The following SLC39A10 variants were observed in gnomAD, a reference collection of about 807,000 sequenced individuals.
SLC39A10 encodes solute carrier family 39 member 10.
SLC39A10 carries 13 observed loss-of-function variants against 65.1 expected under a neutral mutation model. The ratio of observed to expected loss-of-function variants is 0.20; its 90% CI spans 0.13 to 0.32. The LOEUF (loss-of-function observed/expected upper bound fraction) is 0.32, where lower values mean the gene tolerates loss of function less well. Ranked by LOEUF, SLC39A10 falls within the 10% of genes least tolerant of loss-of-function variation. The pLI, the probability that SLC39A10 is intolerant of heterozygous loss-of-function variation, is 1.00. For missense variants in SLC39A10, 831 were observed against 1,018.4 expected (o/e 0.82, Z 2.50); for synonymous variants, 321 against 342.2 (o/e 0.94, Z 0.68).
intron 2 of SLC39A10, among the ~76,000 whole-genome samples, chr2:195,644,259 G>A (rs917583833): frequency 2.0e-5 from 3 of 151,690 alleles, no homozygotes; most frequent in African/African-American, 7.3e-5. Flanking sequence ...CACTTTGGGA[G>A]GCCGAAGTGG....
chr2:195,662,588 A>C (rs553852883), intron 1 of SLC39A10, among the ~76,000 whole-genome samples: 185 of 152,220 alleles, frequency 1.2e-3, no homozygotes, highest in Non-Finnish European at 2.2e-3. Context: ...CTATTACTTT[A>C]ATATCTATAA....
At chr2:195,633,390 T>G (rs557679869) in intron 2 of SLC39A10, among the ~76,000 whole-genome samples, 2 of 152,208 alleles carry the variant, frequency 1.3e-5, no homozygotes, top group Non-Finnish European at 2.9e-5. Flanking sequence ...AGGCAGCGTC[T>G]AAGAGGGAAT....
At chr2:195,631,524 C>T (rs564133545) in intron 2 of SLC39A10, among the ~76,000 whole-genome samples, 1 of 152,074 alleles carries the variant, frequency 6.6e-6, no homozygotes, top group Non-Finnish European at 1.5e-5. Flanking sequence ...CAAAAAATAT[C>T]CTTAAAAGCA....
At chr2:195,673,846 CT>C (rs1689973734) in intron 1 of SLC39A10, among the ~76,000 whole-genome samples, 1 of 152,350 alleles carries the variant, frequency 6.6e-6, no homozygotes, top group Admixed American at 6.5e-5. Flanking sequence ...ATCCCATTAT[CT>C]TGCTTTAACA....
chr2:195,632,639 T>G (rs949868212), intron 2 of SLC39A10, among the ~76,000 whole-genome samples: 2 of 152,164 alleles, frequency 1.3e-5, no homozygotes, highest in African/African-American at 4.8e-5. Flanking sequence ...TAGTACTTGA[T>G]CTACTGATGT....
At chr2:195,727,259 T>A (rs1692275830) in intron 8 of SLC39A10, among the ~76,000 whole-genome samples, 1 of 152,170 alleles carries the variant, frequency 6.6e-6, no homozygotes, top group South Asian at 2.1e-4. Context: ...GTATTTTCCC[T>A]CCTGTGAGTT....
chr2:195,735,854 G>C lies in SLC39A10; in HGVS notation c.*813G>C, dbSNP rs1218656695. 7.1e-6 allele frequency: 1 copy of C among 140,980 alleles called. No homozygotes were observed. The highest frequency in any genetic ancestry group is 2.7e-5 in the African/African-American group (1 of 37,134). 8.7% of individuals were successfully genotyped at this position (140,980 alleles called of 1,614,324 possible). On this transcript the variant is annotated 3_prime_UTR_variant, in exon 10 of 10. Coordinates refer to ENST00000359634, the MANE Select transcript of SLC39A10 (RefSeq NM_020342.3). ...GGGTAGGTGAGGGTTTGGAGCATGTGGTCTTTTTAAAAAATTGTAACCCTC... is the reference window on the plus strand; with the variant it reads ...GGGTAGGTGAGGGTTTGGAGCATGTCGTCTTTTTAAAAAATTGTAACCCTC...
intron 2 of SLC39A10, among the ~76,000 whole-genome samples, chr2:195,616,477 T>C (rs963157693): frequency 2.7e-5 from 4 of 150,458 alleles, no homozygotes; most frequent in African/African-American, 9.8e-5. Context: ...TGGCTAACTT[T>C]TGTATTTTTA....
At chr2:195,695,960 A>G (rs990000992) in intron 3 of SLC39A10, among the ~76,000 whole-genome samples, 1 of 152,188 alleles carries the variant, frequency 6.6e-6, no homozygotes, top group Non-Finnish European at 1.5e-5. Context: ...ATTAATTTTT[A>G]TGTATAGTGC....
At chr2:195,679,949 A>C (rs1464730554) in intron 1 of SLC39A10, 83 bp from the exon 2 acceptor site, 3 of 1,207,608 alleles carry the variant, frequency 2.5e-6, no homozygotes, top group Admixed American at 2.8e-5. Context: ...TTTTTAGTGG[A>C]TTGGCAACTT....
chr2:195,617,129 A>G (rs1376076625), intron 2 of SLC39A10, among the ~76,000 whole-genome samples: 1 of 152,222 alleles, frequency 6.6e-6, no homozygotes, highest in East Asian at 1.9e-4. Flanking sequence ...AGTGCATTAT[A>G]GGACATTTAC....
At chr2:195,663,306 T>C (rs781641497) in intron 1 of SLC39A10, among the ~76,000 whole-genome samples, 1 of 152,076 alleles carries the variant, frequency 6.6e-6, no homozygotes, top group Non-Finnish European at 1.5e-5. Context: ...ATTAACTCAG[T>C]GCACTTCTAC....
intron 2 of SLC39A10, among the ~76,000 whole-genome samples, chr2:195,625,346 G>T (rs888088157): frequency 2.0e-5 from 3 of 151,452 alleles, no homozygotes; most frequent in African/African-American, 7.3e-5. Flanking sequence ...CACGATCTCG[G>T]CTCACCGCAA....
rs188810817 is a variant in SLC39A10, at chr2:195,630,351, G to T, written c.-12+24118G>T. On this transcript the variant is annotated intron_variant, in intron 2 of 2. Coordinates refer to the SLC39A10 transcript ENST00000458054. Reference sequence around the variant, plus strand: ...CAGATGAAAAGATGTGTAGGGTGAGGGATGGTGGAAGGGATGCAGGGCTTC... The same window carrying T: ...CAGATGAAAAGATGTGTAGGGTGAGTGATGGTGGAAGGGATGCAGGGCTTC... Among the ~76,000 whole-genome samples, 71 of 152,070 alleles carry T rather than the reference G, an allele frequency of 4.7e-4. No individual in the cohort carries two copies. In the East Asian group the frequency reaches 0.011, roughly 23 times the overall value.
chr2:195,675,529 G>A (rs1023623127), intron 1 of SLC39A10, among the ~76,000 whole-genome samples: 16 of 152,188 alleles, frequency 1.1e-4, no homozygotes, highest in Admixed American at 2.6e-4. Flanking sequence ...TGCGCTTCCC[G>A]GGTTCATGCC....
upstream of SLC39A10, among the ~76,000 whole-genome samples, chr2:195,652,764 C>T (rs906163116): frequency 6.6e-6 from 1 of 152,036 alleles, no homozygotes; most frequent in African/African-American, 2.4e-5. Context: ...AGCAGGGGTC[C>T]CCCAGCCACT....
At chr2:195,733,578 C>T (rs975394639) in intron 9 of SLC39A10, among the ~76,000 whole-genome samples, 7 of 151,656 alleles carry the variant, frequency 4.6e-5, no homozygotes, top group African/African-American at 1.5e-4. Context: ...TTGCCCAGGA[C>T]GGAGTACAGT....
chr2:195,632,895 G>A (rs1189008968), intron 2 of SLC39A10, among the ~76,000 whole-genome samples: 1 of 152,104 alleles, frequency 6.6e-6, no homozygotes, highest in Non-Finnish European at 1.5e-5. Flanking sequence ...TTATACATTG[G>A]AGGAGCTGAA....
chr2:195,688,230 T>G (rs1015799835), intron 3 of SLC39A10, among the ~76,000 whole-genome samples: 2 of 152,224 alleles, frequency 1.3e-5, no homozygotes, highest in Non-Finnish European at 2.9e-5. Flanking sequence ...ACCTTTTGTT[T>G]AGTTTTTGCT....
Sources: allele counts gnomAD v4.1 joint callset (sites outside exome capture counted in the v4.1 genomes callset), GRCh38; gene constraint gnomAD v4.1.1; transcripts MANE v1.5; gene names NCBI Gene and HGNC (gene_info 2026-07-23, HGNC 2026-07-21).